PDE4D: variants seen among roughly 807,000 people sequenced by gnomAD.
PDE4D encodes the protein phosphodiesterase 4D, also known as 3',5'-cyclic-AMP phosphodiesterase 4D.
A neutral mutation model predicts 87.4 loss-of-function variants in PDE4D; 24 were observed. The observed-to-expected ratio is 0.27, with a 90% CI of 0.20 to 0.39. The LOEUF (loss-of-function observed/expected upper bound fraction) is 0.39, where lower values mean the gene tolerates loss of function less well. PDE4D is among the 10% of genes least tolerant of loss of function. The pLI, the probability that PDE4D is intolerant of heterozygous loss-of-function variation, is 1.00. For missense variants in PDE4D, 714 were observed against 1,041.0 expected, an observed-to-expected ratio of 0.69 and a Z score of 4.32; for synonymous variants, 384 against 383.2, an observed-to-expected ratio of 1.00 and a Z score of -0.02.
At chr5:60,077,045 T>A (rs1773374675) in intron 2 of PDE4D, among the ~76,000 whole-genome samples, 1 of 152,200 alleles carries the variant, frequency 6.6e-6, no homozygotes, top group Non-Finnish European at 1.5e-5. Flanking sequence ...CTGTGTGTTT[T>A]CATGCAGGCA....
At chr5:59,441,736 T>C (rs1474386792) in intron 1 of PDE4D, among the ~76,000 whole-genome samples, 1 of 152,236 alleles carries the variant, frequency 6.6e-6, no homozygotes, top group East Asian at 1.9e-4. Context: ...CCCTTGGGCC[T>C]CTACCATCCA....
At position 59,556,912 on chromosome 5, in the gene PDE4D, A is replaced by G. The variant is rs1033163123; in HGVS notation, c.455+336256T>C. Among the ~76,000 whole-genome samples, 5 of 152,334 alleles carry G rather than the reference A, an allele frequency of 3.3e-5. No homozygotes were observed. In the South Asian group the frequency reaches 1.0e-3, roughly 32 times the overall value. On this transcript the variant is annotated intron_variant, in intron 1 of 14. Transcript: ENST00000340635. Reference sequence around the variant, plus strand: ...AAGGAAGAAAGGGAGGGTGGCAGGGAGAAAACAAAAACAAGTAGGCAAATA... The same window carrying G: ...AAGGAAGAAAGGGAGGGTGGCAGGGGGAAAACAAAAACAAGTAGGCAAATA...
At chr5:60,434,763 T>G (rs979155457) in intron 1 of PDE4D, among the ~76,000 whole-genome samples, 1 of 152,008 alleles carries the variant, frequency 6.6e-6, no homozygotes, top group African/African-American at 2.4e-5. Flanking sequence ...CCAACAATGA[T>G]GAGTTTGAAT....
chr5:59,436,713 T>C (rs1246279527), intron 1 of PDE4D, among the ~76,000 whole-genome samples: 1 of 152,212 alleles, frequency 6.6e-6, no homozygotes, highest in Non-Finnish European at 1.5e-5. Context: ...GAATGAAGCA[T>C]AAGGTCTCAT....
intron 1 of PDE4D, among the ~76,000 whole-genome samples, chr5:59,429,283 C>T (rs1351659874): frequency 5.3e-5 from 8 of 152,150 alleles, no homozygotes; most frequent in Non-Finnish European, 1.0e-4. Flanking sequence ...AAAATAGTTG[C>T]TTGGTGCTGC....
chr5:60,436,135 T>C (rs572777010), intron 1 of PDE4D, among the ~76,000 whole-genome samples: 1 of 152,232 alleles, frequency 6.6e-6, no homozygotes, highest in Non-Finnish European at 1.5e-5. Context: ...GTGCTGAATA[T>C]TGATAATTTG....
chr5:60,074,055 G>A (rs1773024341), intron 2 of PDE4D, among the ~76,000 whole-genome samples: 1 of 151,932 alleles, frequency 6.6e-6, no homozygotes, highest in Non-Finnish European at 1.5e-5. Context: ...GTTATTTACT[G>A]TCTTCTGATA....
intron 1 of PDE4D, among the ~76,000 whole-genome samples, chr5:59,851,457 T>A (rs1202145820): frequency 1.3e-5 from 2 of 152,052 alleles, no homozygotes; most frequent in African/African-American, 4.8e-5. Context: ...AGACCTGGTA[T>A]GTTAGACAGA....
intron 1 of PDE4D, among the ~76,000 whole-genome samples, chr5:59,692,821 C>T (rs541688378): frequency 6.6e-6 from 1 of 152,226 alleles, no homozygotes; most frequent in South Asian, 2.1e-4. Context: ...GACTTGTGAC[C>T]TTAGGCAAAT....
At chr5:60,242,838 A>G in intron 1 of PDE4D, among the ~76,000 whole-genome samples, 1 of 152,194 alleles carries the variant, frequency 6.6e-6, no homozygotes, top group African/African-American at 2.4e-5. Context: ...AAGCAGTACT[A>G]AAAGGGAAAC....
At chr5:59,639,976 G>T (rs975144928) in intron 1 of PDE4D, among the ~76,000 whole-genome samples, 30 of 151,230 alleles carry the variant, frequency 2.0e-4, no homozygotes, top group Admixed American at 1.4e-3. Flanking sequence ...CCTTAAAGAA[G>T]AGCTTTTGTC....
At chr5:60,181,793 G>A (rs1230219915) in intron 2 of PDE4D, among the ~76,000 whole-genome samples, 3 of 152,094 alleles carry the variant, frequency 2.0e-5, no homozygotes, top group Non-Finnish European at 4.4e-5. Context: ...AATTTATCTA[G>A]TTTATTCTCC....
Position 59,332,908 on chromosome 5 carries a change from A to T in PDE4D, c.456-116940T>A, listed in dbSNP as rs143101056. On this transcript the variant is annotated intron_variant, in intron 1 of 14. Coordinates refer to ENST00000340635, the MANE Select transcript of PDE4D (RefSeq NM_001104631.2). ...CAGTAGCCATTTGCCATCAAGAGGA[A>T]CAGGCCAAGAAAATTGTGGAGATGC... Among the ~76,000 whole-genome samples, 560 of 152,302 alleles carry T rather than the reference A, an allele frequency of 3.7e-3. 3 individuals carry two copies. Among genetic ancestry groups the T allele is most frequent in the South Asian group, 6.4e-3 (31 of 4,832 alleles).
chr5:59,401,349 G>T (rs1345172184), intron 1 of PDE4D, among the ~76,000 whole-genome samples: 1 of 151,964 alleles, frequency 6.6e-6, no homozygotes, highest in Non-Finnish European at 1.5e-5. Context: ...TAGATCGCTG[G>T]AGCCCAAACG....
At chr5:59,154,660 A>G (rs543375375) in intron 5 of PDE4D, among the ~76,000 whole-genome samples, 2 of 152,272 alleles carry the variant, frequency 1.3e-5, no homozygotes, top group East Asian at 3.9e-4. Context: ...CCAAGGCAGG[A>G]GGATCACTTG....
chr5:58,984,275 A>G (rs1745903536), intron 11 of PDE4D, among the ~76,000 whole-genome samples: 1 of 152,168 alleles, frequency 6.6e-6, no homozygotes, highest in Non-Finnish European at 1.5e-5. Context: ...ACCCTGCATT[A>G]TTTTCCTCCA....
intron 1 of PDE4D, among the ~76,000 whole-genome samples, chr5:60,298,939 T>G (rs1411468708): frequency 6.6e-6 from 1 of 152,228 alleles, no homozygotes; most frequent in African/African-American, 2.4e-5. Context: ...CACGGAACTT[T>G]GAAGTCTCTG....
At chr5:59,291,266 T>C (rs1456392829) in intron 1 of PDE4D, among the ~76,000 whole-genome samples, 1 of 152,014 alleles carries the variant, frequency 6.6e-6, no homozygotes, top group Non-Finnish European at 1.5e-5. Flanking sequence ...AAGAATGAGG[T>C]CCTGTCATCT....
intron 2 of PDE4D, among the ~76,000 whole-genome samples, chr5:60,070,659 T>C (rs915036669): frequency 2.6e-5 from 4 of 152,068 alleles, no homozygotes; most frequent in Non-Finnish European, 4.4e-5. Flanking sequence ...TTTTGTTTTC[T>C]TGTGGTGCTT....
Sources: gnomAD v4.1 joint callset for allele counts (sites outside exome capture counted in the v4.1 genomes callset) on GRCh38, gnomAD v4.1.1 for gene constraint, MANE v1.5 for transcripts, NCBI Gene and HGNC (gene_info 2026-07-23, HGNC 2026-07-21) for gene names.